Variants in CYFIP2 observed in about 807,000 individuals in gnomAD.
CYFIP2 encodes cytoplasmic FMR1-interacting protein 2.
A neutral mutation model predicts 158.7 loss-of-function variants in CYFIP2; 29 were observed. The ratio of observed to expected loss-of-function variants is 0.18; its 90% CI spans 0.14 to 0.25. CYFIP2 has a LOEUF of 0.25. CYFIP2 is among the 10% of genes least tolerant of loss of function. The pLI, the probability that CYFIP2 is intolerant of heterozygous loss-of-function variation, is 1.00. For synonymous variants in CYFIP2, 585 were observed against 617.6 expected (o/e 0.95, Z 0.78); for missense variants, 852 against 1,639.5 (o/e 0.52, Z 8.29).
Position 157,266,535 on chromosome 5 carries a change from GAC to G in CYFIP2, c.-24+343_-24+344del, listed in dbSNP as rs1755615954. The G allele has an allele frequency of 6.6e-6, 1 of 152,318 alleles. No homozygotes were observed. The highest frequency in any genetic ancestry group is 1.5e-5 in the Non-Finnish European group (1 of 68,152). 9.4% of individuals were successfully genotyped at this position (152,318 alleles called of 1,614,324 possible). A position where few individuals can be genotyped will look rare whatever the true frequency, so the allele number is the denominator to read the frequency against. The stretch of plus-strand genomic sequence containing the variant: ...GGCGGTGCTAATCTCAGGGACCGGA[GAC>G]ACCTGCAGCGGCCGCGAGCCCGGCA... On this transcript the variant is annotated intron_variant, in intron 1 of 30. Coordinates refer to ENST00000620254, the MANE Select transcript of CYFIP2 (RefSeq NM_001037333.3). This position sits in a 1 kb window ranked among gnomAD's most constrained non-coding sequence, Gnocchi z 4.2.
Position 157,382,570 on chromosome 5 carries a change from C to A in CYFIP2, c.3040-20C>A. 6.2e-7 allele frequency: 1 copy of A among 1,613,334 alleles called. No individual in the cohort carries two copies. Among genetic ancestry groups the A allele is most frequent in the East Asian group, 2.2e-5 (1 of 44,880 alleles). ...TTAAAATGAAAATTGTTTTCTCTTT[C>A]TTTACCCCCATCTCTGCAGTCTCAG... is the stretch of plus-strand genomic sequence containing the variant. On this transcript the variant is annotated intron_variant, in intron 26 of 30. Transcript: ENST00000620254.
chr5:157,325,964 T>C (rs1314447327), intron 17 of CYFIP2: 1 of 565,748 alleles, frequency 1.8e-6, no homozygotes, highest in African/African-American at 1.9e-5. Context: ...TTACAAGTCT[T>C]GGTTTTATTT....
rs559649917 is a variant in CYFIP2, at chr5:157,294,103, A to G, written c.208-680A>G. On this transcript the variant is annotated intron_variant, in intron 3 of 30. Coordinates refer to ENST00000620254, the MANE Select transcript of CYFIP2 (RefSeq NM_001037333.3). ...GTGACCTCTGGCCACAAGACTCCTG[A>G]ATAGTAAGGGATTATGGAAAGTATG... Among the ~76,000 whole-genome samples, 9 of 152,350 alleles carry G rather than the reference A, an allele frequency of 5.9e-5. No individual in the cohort carries two copies. The South Asian group carries it at 8.3e-4, about 14-fold the overall frequency.
At position 157,361,554 on chromosome 5, in the gene CYFIP2, G is replaced by A. The variant is rs1292365985; in HGVS notation, c.2995G>A (p.Val999Met). The A allele has an allele frequency of 6.2e-7, 1 of 1,614,084 alleles. No individual in the cohort carries two copies. The highest frequency in any genetic ancestry group is 1.7e-5 in the Admixed American group (1 of 60,022). The part of the protein sequence containing the change: ...KTDVFQSLRE[V>M]GNAILFCLLI... ...AGACGTGTTCCAGAGCCTGAGGGAA[G>A]TGGGCAATGCCATCCTCTTCTGCCT... is the stretch of plus-strand genomic sequence containing the variant. The change falls in exon 26 of 31, where the codon GTG (valine) becomes ATG (methionine). Residue 999 changes from valine to methionine, a missense_variant. Val to Met is a conservative substitution (Grantham distance 21). Around this residue, in one of 8 missense-constraint regions of CYFIP2, gnomAD observed 223 missense variants for 381.6 expected, o/e 0.58. Coordinates refer to ENST00000620254, the MANE Select transcript of CYFIP2 (RefSeq NM_001037333.3). The surrounding 1 kb of genome is among the most constrained non-coding windows in gnomAD (Gnocchi z 4.4).
At chr5:157,337,038 C>T (rs1330930850) in intron 21 of CYFIP2, among the ~76,000 whole-genome samples, 2 of 152,202 alleles carry the variant, frequency 1.3e-5, no homozygotes, top group East Asian at 1.9e-4. Flanking sequence ...AATTGTTCCC[C>T]AGCTTCTCAG....
intron 4 of CYFIP2, chr5:157,296,412 A>G (rs1473823760): frequency 4.5e-6 from 2 of 443,900 alleles, no homozygotes; most frequent in Non-Finnish European, 8.9e-6. Context: ...TGGGCAACAT[A>G]GTGAGACACC....
chr5:157,368,766 A>G (rs1457916772), intron 26 of CYFIP2, among the ~76,000 whole-genome samples: 1 of 151,744 alleles, frequency 6.6e-6, no homozygotes, highest in East Asian at 1.9e-4. Flanking sequence ...CCCATGAGCC[A>G]GAGTGAGAGA....
intron 15 of CYFIP2, among the ~76,000 whole-genome samples, chr5:157,322,335 C>G (rs1486887202): frequency 6.6e-6 from 1 of 152,180 alleles, no homozygotes; most frequent in African/African-American, 2.4e-5. Flanking sequence ...GTCTTCAGGA[C>G]ACAGTAGACA....
At chr5:157,324,096 C>G in intron 16 of CYFIP2, 22 bp downstream of exon 16, 1 of 1,595,914 alleles carries the variant, frequency 6.3e-7, no homozygotes, top group Non-Finnish European at 8.6e-7. Context: ...CCCATCCCTG[C>G]TAAGGCATGG....
At chr5:157,385,368 G>A (rs1766572674) in intron 28 of CYFIP2, among the ~76,000 whole-genome samples, 1 of 152,214 alleles carries the variant, frequency 6.6e-6, no homozygotes, top group Non-Finnish European at 1.5e-5. Context: ...CCAAAACTTA[G>A]TCATTCCATG....
chr5:157,311,896 C>A lies in CYFIP2; in HGVS notation c.1110+115C>A. 1 of 1,007,066 alleles carries A rather than the reference C, an allele frequency of 9.9e-7. No homozygotes were observed. Among genetic ancestry groups the A allele is most frequent in the Non-Finnish European group, 1.5e-6 (1 of 682,898 alleles). 62.4% of individuals were successfully genotyped at this position (1,007,066 alleles called of 1,614,324 possible). A position where few individuals can be genotyped will look rare whatever the true frequency, so the allele number is the denominator to read the frequency against. On this transcript the variant is annotated intron_variant, in intron 11 of 30. Coordinates refer to ENST00000620254, the MANE Select transcript of CYFIP2 (RefSeq NM_001037333.3). The surrounding 1 kb of genome is among the most constrained non-coding windows in gnomAD (Gnocchi z 4.7). ...CACTGGAGAGTAGAAGGGAGGGAGG[C>A]AGGAGGGTAAAGTGGCCAACAGCAG...
At chr5:157,337,140 T>C (rs10053407) in intron 21 of CYFIP2, among the ~76,000 whole-genome samples, 87 of 152,300 alleles carry the variant, frequency 5.7e-4, no homozygotes, top group African/African-American at 1.9e-3. Context: ...GTATTTTTTA[T>C]TTATTTAGTA....
intron 26 of CYFIP2, among the ~76,000 whole-genome samples, chr5:157,378,941 A>G (rs1581185009): frequency 6.6e-6 from 1 of 152,292 alleles, no homozygotes; most frequent in East Asian, 1.9e-4. Flanking sequence ...TAAGTTCTTA[A>G]TTGCACATTA....
At chr5:157,286,804 T>G (rs1232326708) in intron 2 of CYFIP2, among the ~76,000 whole-genome samples, 1 of 152,114 alleles carries the variant, frequency 6.6e-6, no homozygotes, top group Non-Finnish European at 1.5e-5. Context: ...TGATTACTGA[T>G]GGGAAGCAGA....
chr5:157,287,594 G>A (rs1032140902), intron 3 of CYFIP2, among the ~76,000 whole-genome samples: 6 of 152,272 alleles, frequency 3.9e-5, no homozygotes, highest in Admixed American at 6.5e-5. Flanking sequence ...CATCTGTGGA[G>A]GGCTCCTCCC....
At chr5:157,391,224 G>T (rs535457407) in intron 30 of CYFIP2, among the ~76,000 whole-genome samples, 1 of 152,302 alleles carries the variant, frequency 6.6e-6, no homozygotes, top group East Asian at 1.9e-4. Flanking sequence ...CAGGAAGGCG[G>T]ATCGAAGGGT....
chr5:157,365,620 C>T (rs1764292617), intron 26 of CYFIP2: 1 of 151,978 alleles, frequency 6.6e-6, no homozygotes, highest in East Asian at 1.9e-4. Context: ...GTCCATGTAG[C>T]CCAGGTCTAG....
chr5:157,282,419 A>G (rs963449927), intron 1 of CYFIP2, among the ~76,000 whole-genome samples: 1 of 152,222 alleles, frequency 6.6e-6, no homozygotes, highest in Non-Finnish European at 1.5e-5. Flanking sequence ...CACATGATCC[A>G]AACACCTCCC....
In CYFIP2 at chr5:157,395,472, A is replaced by G. The variant is rs1214784128; in HGVS notation, c.*2472A>G. On this transcript the variant is annotated 3_prime_UTR_variant, in exon 31 of 31. Transcript: ENST00000620254. ...GCTTGTGATCAAATAATGATGTTAA[A>G]TTCTTAAATCATATTTGCTATGCAG... 8.6e-6 allele frequency: 4 copies of G among 466,834 alleles called. No individual in the cohort carries two copies. Among genetic ancestry groups the G allele is most frequent in the Non-Finnish European group, 1.5e-5 (4 of 259,742 alleles). The allele number at this position is 466,834 out of a possible 1,614,324, so 28.9% of individuals were successfully genotyped here.
Sources: allele counts gnomAD v4.1 joint callset (sites outside exome capture counted in the v4.1 genomes callset), GRCh38; gene constraint gnomAD v4.1.1; regional missense constraint gnomAD v4.1.1; non-coding constraint Gnocchi (gnomAD v3.1); transcripts MANE v1.5; gene names NCBI Gene and HGNC (gene_info 2026-07-23, HGNC 2026-07-21).